The following MED27 variants were observed in gnomAD, a reference collection of about 807,000 sequenced individuals.
MED27 encodes mediator of RNA polymerase II transcription subunit 27.
MED27 carries 30 observed loss-of-function variants against 38.2 expected under a neutral mutation model. The observed-to-expected ratio is 0.79, with a 90% CI of 0.59 to 1.07. The LOEUF (loss-of-function observed/expected upper bound fraction) is 1.07, where lower values mean the gene tolerates loss of function less well. Ranked by LOEUF, MED27 falls within the 50% of genes least tolerant of loss-of-function variation. The pLI is 0.00. For missense variants in MED27, 289 were observed against 397.5 expected (o/e 0.73, Z 2.32); for synonymous variants, 122 against 153.5 (o/e 0.79, Z 1.52).
intron 2 of MED27, among the ~76,000 whole-genome samples, chr9:132,069,751 T>C (rs1833893089): frequency 6.6e-6 from 1 of 152,158 alleles, no homozygotes; most frequent in African/African-American, 2.4e-5. Flanking sequence ...TGGAAGGGAC[T>C]GAAGAGATCA....
chr9:131,903,891 C>CTTT (rs35837340), intron 4 of MED27, among the ~76,000 whole-genome samples: 2 of 126,710 alleles, frequency 1.6e-5, no homozygotes, highest in African/African-American at 2.9e-5. Flanking sequence ...CCACACACAG[C>CTTT]TTTTTTTTTT....
At chr9:131,967,384 T>C (rs890711185) in intron 3 of MED27, among the ~76,000 whole-genome samples, 4 of 152,216 alleles carry the variant, frequency 2.6e-5, no homozygotes, top group Non-Finnish European at 5.9e-5. Context: ...ATTTTAAAAT[T>C]AAACTGAAGT....
At chr9:131,907,294 A>T (rs889157723) in intron 4 of MED27, among the ~76,000 whole-genome samples, 16 of 152,018 alleles carry the variant, frequency 1.1e-4, no homozygotes, top group African/African-American at 3.9e-4. Context: ...TACTGCTGCC[A>T]TCTCAGCTCA....
intron 2 of MED27, among the ~76,000 whole-genome samples, chr9:132,052,508 G>A (rs960280842): frequency 2.6e-5 from 4 of 152,084 alleles, no homozygotes; most frequent in African/African-American, 9.7e-5. Context: ...CCAAACACAG[G>A]TGCAGTGAGA....
At chr9:131,910,446 C>A (rs1830167027) in intron 4 of MED27, among the ~76,000 whole-genome samples, 1 of 152,066 alleles carries the variant, frequency 6.6e-6, no homozygotes, top group African/African-American at 2.4e-5. Context: ...GGAACAGCAG[C>A]AAATTATGTA....
rs543620859 is a variant in MED27, at chr9:132,065,016, C to T, written c.348+12426G>A. On this transcript the variant is annotated intron_variant, in intron 2 of 7. Coordinates refer to ENST00000292035, the MANE Select transcript of MED27 (RefSeq NM_004269.4). ...GCTTCGTTCACTGTGTGTAGAACAG[C>T]AACTGGAATATAGAGGTGCTCAATA... is the stretch of plus-strand genomic sequence containing the variant. 9.9e-5 allele frequency among the ~76,000 whole-genome samples: 15 copies of T among 152,196 alleles called. No homozygotes were observed. In the South Asian group the frequency reaches 2.7e-3, roughly 27 times the overall value.
chr9:131,895,588 C>G (rs2131506889), intron 4 of MED27, among the ~76,000 whole-genome samples: 1 of 152,302 alleles, frequency 6.6e-6, no homozygotes. Context: ...GTTGATAGCT[C>G]TATTTCTGTA....
chr9:131,860,691 A>G lies in MED27; in HGVS notation c.802-19T>C, dbSNP rs1838638265. 6 of 1,611,594 alleles carry G rather than the reference A, an allele frequency of 3.7e-6. No homozygotes were observed. In the East Asian group the frequency reaches 1.1e-4, roughly 30 times the overall value. On this transcript the variant is annotated intron_variant, in intron 7 of 7. Coordinates refer to ENST00000292035, the MANE Select transcript of MED27 (RefSeq NM_004269.4). The surrounding 1 kb of genome is among the most constrained non-coding windows in gnomAD (Gnocchi z 5.8). Reference sequence around the variant, plus strand: ...ACCAGGTCTAAAAAGAGAAACGAGGAGAGAAGTGAAAGAATGGGATACGGG... The same window carrying G: ...ACCAGGTCTAAAAAGAGAAACGAGGGGAGAAGTGAAAGAATGGGATACGGG...
intron 3 of MED27, among the ~76,000 whole-genome samples, chr9:131,971,324 G>C (rs1350279371): frequency 6.6e-6 from 1 of 152,244 alleles, no homozygotes; most frequent in African/African-American, 2.4e-5. Context: ...CAAACTTGGA[G>C]ATTTCCCGGA....
At position 131,868,520 on chromosome 9, in the gene MED27, T is replaced by C. The variant is rs1008370872; in HGVS notation, c.724-5380A>G. ...TCCAACTCCTGGCTCAAGTGATTCT[T>C]CTGCCTCAGCCTGACAAAGTGCTGG... On this transcript the variant is annotated intron_variant, in intron 6 of 7. Coordinates refer to ENST00000292035, the MANE Select transcript of MED27 (RefSeq NM_004269.4). 9.5e-6 allele frequency: 9 copies of C among 946,570 alleles called. No homozygotes were observed. The East Asian group carries it at 9.3e-4, about 97-fold the overall frequency. The allele number at this position is 946,570 out of a possible 1,614,324, so 58.6% of individuals were successfully genotyped here. A position where few individuals can be genotyped will look rare whatever the true frequency, so the allele number is the denominator to read the frequency against.
chr9:131,866,262 G>A lies in MED27; in HGVS notation c.724-3122C>T, dbSNP rs561450826. Among the ~76,000 whole-genome samples the A allele has an allele frequency of 9.9e-4, 151 of 152,316 alleles. 3 individuals are homozygous for A. In the South Asian group the frequency reaches 0.03, roughly 31 times the overall value. On this transcript the variant is annotated intron_variant, in intron 6 of 7. Coordinates refer to ENST00000292035, the MANE Select transcript of MED27 (RefSeq NM_004269.4). Reference sequence around the variant, plus strand: ...CCTCTGGACTTGACCTCCTCTGGCTGAACTTGAGTTCTCCAAGCATTCCAA... The same window carrying A: ...CCTCTGGACTTGACCTCCTCTGGCTAAACTTGAGTTCTCCAAGCATTCCAA...
At chr9:132,049,304 T>G (rs755685878) in intron 2 of MED27, among the ~76,000 whole-genome samples, 6 of 152,160 alleles carry the variant, frequency 3.9e-5, no homozygotes, top group Non-Finnish European at 8.8e-5. Flanking sequence ...TTAGGACACA[T>G]TCATACAAGA....
chr9:131,861,271 A>T lies in MED27; in HGVS notation c.802-599T>A, dbSNP rs1352442665. 1.3e-5 allele frequency among the ~76,000 whole-genome samples: 2 copies of T among 152,174 alleles called. No individual in the cohort carries two copies. The highest frequency in any genetic ancestry group is 2.9e-5 in the Non-Finnish European group (2 of 68,010). ...TCCACACTTGAATGGTTCAGAGTGCAGAGCTTTCTTGGGCGTCATACATAA... is the reference window on the plus strand; with the variant it reads ...TCCACACTTGAATGGTTCAGAGTGCTGAGCTTTCTTGGGCGTCATACATAA... On this transcript the variant is annotated intron_variant, in intron 7 of 7. Coordinates refer to ENST00000292035, the MANE Select transcript of MED27 (RefSeq NM_004269.4). The surrounding 1 kb of genome is among the most constrained non-coding windows in gnomAD (Gnocchi z 4.4).
chr9:132,003,481 G>T lies in MED27; in HGVS notation c.479+10856C>A, dbSNP rs1356241813. Reference sequence around the variant, plus strand: ...CCAGGATCAGAACCAGACACTAAGGGCCACAAGGGGCACGTGACAGTTGGG... The same window carrying T: ...CCAGGATCAGAACCAGACACTAAGGTCCACAAGGGGCACGTGACAGTTGGG... On this transcript the variant is annotated intron_variant, in intron 3 of 7. Transcript: ENST00000292035. The surrounding 1 kb of genome is among the most constrained non-coding windows in gnomAD (Gnocchi z 4.2). 6.6e-6 allele frequency among the ~76,000 whole-genome samples: 1 copy of T among 152,204 alleles called. No individual in the cohort carries two copies. The highest frequency in any genetic ancestry group is 1.5e-5 in the Non-Finnish European group (1 of 68,042).
intron 2 of MED27, among the ~76,000 whole-genome samples, chr9:132,030,459 G>C (rs556123538): frequency 6.6e-6 from 1 of 152,130 alleles, no homozygotes; most frequent in African/African-American, 2.4e-5. Flanking sequence ...GGGAAGAAAG[G>C]CCAGTCCTTT....
At chr9:132,042,628 G>A (rs779190023) in intron 2 of MED27, among the ~76,000 whole-genome samples, 28 of 152,324 alleles carry the variant, frequency 1.8e-4, no homozygotes, top group Admixed American at 1.8e-3. Context: ...CATTTCTGAT[G>A]CTGGAATCTT....
intron 2 of MED27, among the ~76,000 whole-genome samples, chr9:132,076,265 C>CT (rs113968612): frequency 0.013 from 1,892 of 147,134 alleles, 16 homozygotes; most frequent in Middle Eastern, 0.045. Flanking sequence ...AGGCCCCATG[C>CT]TTTTTTTTTT....
intron 4 of MED27, 44 bp downstream of exon 4, chr9:131,939,336 AT>A (rs1830741995): frequency 8.7e-6 from 12 of 1,383,790 alleles, no homozygotes; most frequent in East Asian, 4.7e-5. Context: ...TGTGAAGTCC[AT>A]TTTTTCCCCC....
chr9:131,973,463 T>C (rs572716872), intron 3 of MED27, among the ~76,000 whole-genome samples: 15 of 147,962 alleles, frequency 1.0e-4, no homozygotes, highest in Non-Finnish European at 1.9e-4. Context: ...TTTTCTTTTT[T>C]TTTTTTTTTT....
Sources: gnomAD v4.1 joint callset for allele counts (sites outside exome capture counted in the v4.1 genomes callset) on GRCh38, gnomAD v4.1.1 for gene constraint, Gnocchi (gnomAD v3.1) non-coding constraint, MANE v1.5 for transcripts, NCBI Gene and HGNC (gene_info 2026-07-23, HGNC 2026-07-21) for gene names.